Variants in USP10 observed in about 807,000 individuals in gnomAD.
The protein encoded by USP10 is ubiquitin carboxyl-terminal hydrolase 10.
In USP10, 22 loss-of-function variants were observed where a neutral mutation model predicts 84.5. The ratio of observed to expected loss-of-function variants is 0.26; its 90% CI spans 0.19 to 0.37. USP10 has a LOEUF of 0.37. Ranked by LOEUF, USP10 falls within the 10% of genes least tolerant of loss-of-function variation. The pLI, the probability that USP10 is intolerant of heterozygous loss-of-function variation, is 1.00. For synonymous variants in USP10, 454 were observed against 387.6 expected (o/e 1.17, Z -2.01); for missense variants, 1,019 against 998.9 (o/e 1.02, Z -0.27).
chr16:84,702,447 T>C (rs1905011582), intron 1 of USP10, among the ~76,000 whole-genome samples: 1 of 152,206 alleles, frequency 6.6e-6, no homozygotes, highest in South Asian at 2.1e-4. Context: ...TGGTTCCTGC[T>C]CCAGTCATTC....
chr16:84,779,008 C>A lies in USP10; in HGVS notation c.2323C>A (p.Gln775Lys). 1 of 1,614,040 alleles carries A rather than the reference C, an allele frequency of 6.2e-7. No individual in the cohort carries two copies. Among genetic ancestry groups the A allele is most frequent in the Non-Finnish European group, 8.5e-7 (1 of 1,179,908 alleles). Residue 775 changes from glutamine to lysine, a missense_variant, in exon 14 of 14, where the codon CAG (glutamine) becomes AAG (lysine). Gln to Lys is a moderately conservative substitution (Grantham distance 53). Coordinates refer to ENST00000219473, the MANE Select transcript of USP10 (RefSeq NM_005153.3). ...TGACCAGACAGTCAAGGTGATCAAC[C>A]AGTACCAGGTGGTGAAACCAACTGC... Reference protein sequence around the residue: ...IDDQTVKVINQYQVVKPTAER... With the variant: ...IDDQTVKVINKYQVVKPTAER...
Position 84,745,114 on chromosome 16 carries a change from C to A in USP10, c.633C>A (p.Ser211Arg). The change falls in exon 4 of 14, where the codon AGC becomes AGA. Residue 211 changes from serine to arginine, a missense_variant. By Grantham distance (110) the Ser-to-Arg change is moderately radical. Around this residue, in one of 2 missense-constraint regions of USP10, gnomAD observed 787 missense variants for 708.8 expected, o/e 1.11. Transcript: ENST00000219473. ...PPSVTPRTCN[S>R]PQNSTDSVSD... is the part of the protein sequence containing the mutation. ...CAGTTACGCCCAGGACTTGTAACAGCCCCCAGAACTCCACAGACTCTGTCA... is the reference window on the plus strand; with the variant it reads ...CAGTTACGCCCAGGACTTGTAACAGACCCCAGAACTCCACAGACTCTGTCA... The A allele has an allele frequency of 6.2e-7, 1 of 1,613,466 alleles. No individual in the cohort carries two copies. The highest frequency in any genetic ancestry group is 8.5e-7 in the Non-Finnish European group (1 of 1,179,580).
chr16:84,775,267 G>A (rs1181891047), intron 13 of USP10, 42 bp downstream of exon 13: 1 of 1,588,176 alleles, frequency 6.3e-7, no homozygotes, highest in East Asian at 2.2e-5. Context: ...TTAAAACACT[G>A]ATGAAGGGGT....
chr16:84,759,421 T>A lies in USP10; in HGVS notation c.1343T>A (p.Leu448Gln). The A allele has an allele frequency of 6.2e-7, 1 of 1,614,056 alleles. No individual in the cohort carries two copies. The highest frequency in any genetic ancestry group is 8.5e-7 in the Non-Finnish European group (1 of 1,179,898). ...TACCACCTGATGAAGTTCATTCCTC[T>A]GTATTCCAAAGTGCAAAGGCCTTGT... ...PMYHLMKFIP[L>Q]YSKVQRPCTS... The change falls in exon 6 of 14, where the codon CTG becomes CAG. Residue 448 changes from leucine (L) to glutamine (Q), a missense_variant. Physicochemically the swap from Leu to Gln is moderately radical, Grantham distance 113. Coordinates refer to ENST00000219473, the MANE Select transcript of USP10 (RefSeq NM_005153.3).
intron 12 of USP10, among the ~76,000 whole-genome samples, chr16:84,773,413 C>G (rs1475582524): frequency 2.0e-5 from 3 of 152,200 alleles, no homozygotes; most frequent in African/African-American, 7.2e-5. Context: ...GAGTCCTCTT[C>G]TCTCCGTCCC....
At chr16:84,747,574 T>TTC (rs1297539087) in intron 4 of USP10, among the ~76,000 whole-genome samples, 1 of 142,462 alleles carries the variant, frequency 7.0e-6, no homozygotes, top group South Asian at 2.4e-4. Context: ...TTTTTTTTTT[T>TTC]TTTTTTGAGA....
chr16:84,702,993 C>CAAAAAAAAAAAAAAAAAAAAA (rs1157728872), intron 1 of USP10, among the ~76,000 whole-genome samples: 4 of 52,164 alleles, frequency 7.7e-5, no homozygotes, highest in African/African-American at 3.4e-4. Context: ...ACTCCCGTCT[C>CAAAAAAAAAAAAAAAAAAAAA]AAAAAAAAAA....
At chr16:84,771,880 C>CG (rs1567652032) in intron 11 of USP10, among the ~76,000 whole-genome samples, 2 of 151,954 alleles carry the variant, frequency 1.3e-5, no homozygotes, top group Admixed American at 6.6e-5. Flanking sequence ...CCAAAAAAGG[C>CG]GGGGGAGTCA....
intron 4 of USP10, among the ~76,000 whole-genome samples, chr16:84,750,528 A>G (rs939299774): frequency 6.6e-6 from 1 of 152,122 alleles, no homozygotes; most frequent in African/African-American, 2.4e-5. Context: ...TGCTTCCCTC[A>G]TTAGCACAGA....
At chr16:84,736,134 G>A (rs1411032903) in intron 2 of USP10, among the ~76,000 whole-genome samples, 1 of 152,156 alleles carries the variant, frequency 6.6e-6, no homozygotes, top group African/African-American at 2.4e-5. Flanking sequence ...GCACAGTTTG[G>A]CCTTTTATCT....
intron 11 of USP10, among the ~76,000 whole-genome samples, chr16:84,771,728 TGTG>T (rs1567651896): frequency 2.0e-5 from 3 of 151,674 alleles, no homozygotes; most frequent in African/African-American, 7.3e-5. Flanking sequence ...ATTAGCCAGA[TGTG>T]GTGGTGGGAG....
intron 1 of USP10, among the ~76,000 whole-genome samples, chr16:84,701,844 T>A (rs1295727081): frequency 6.6e-6 from 1 of 152,100 alleles, no homozygotes; most frequent in African/African-American, 2.4e-5. Flanking sequence ...ACACTTTGGG[T>A]TTATTCTTTT....
intron 1 of USP10, among the ~76,000 whole-genome samples, chr16:84,718,351 T>C (rs1907328765): frequency 6.6e-6 from 1 of 152,190 alleles, no homozygotes; most frequent in Non-Finnish European, 1.5e-5. Context: ...AGTTATTGGC[T>C]CAAGGGATCC....
Position 84,768,172 on chromosome 16 carries a change from GT to G in USP10, c.1833-16del. 6.4e-7 allele frequency: 1 copy of G among 1,553,014 alleles called. No homozygotes were observed. The highest frequency in any genetic ancestry group is 8.7e-7 in the Non-Finnish European group (1 of 1,148,374). On this transcript the variant is annotated intron_variant, in intron 10 of 13. Transcript: ENST00000219473. The stretch of plus-strand genomic sequence containing the variant: ...CAAGGAGTGGTCTCTTAATTTTTTT[GT>G]TTTTGCTTTCAATTCTTAGGTCTGT...
chr16:84,751,682 T>G (rs1474495055), intron 4 of USP10, among the ~76,000 whole-genome samples: 1 of 152,116 alleles, frequency 6.6e-6, no homozygotes, highest in African/African-American at 2.4e-5. Context: ...TCTTCCAAAT[T>G]GATGGTAATG....
intron 3 of USP10, among the ~76,000 whole-genome samples, chr16:84,743,800 G>A (rs1910897522): frequency 6.6e-6 from 1 of 152,194 alleles, no homozygotes. Context: ...GTGGTTAACT[G>A]GGAAGGAAGT....
In USP10 at chr16:84,769,087, A is replaced by G. The variant is rs548738365; in HGVS notation, c.1998+729A>G. On this transcript the variant is annotated intron_variant, in intron 11 of 13. Coordinates refer to ENST00000219473, the MANE Select transcript of USP10 (RefSeq NM_005153.3). The stretch of plus-strand genomic sequence containing the variant: ...TCTTAGGTTGTGGCAGTGAATTCAT[A>G]AAAATGCACTGGGGAGATGAATGCA... Among the ~76,000 whole-genome samples, 5 of 152,328 alleles carry G rather than the reference A, an allele frequency of 3.3e-5. No individual in the cohort carries two copies. The South Asian group carries it at 1.0e-3, about 32-fold the overall frequency.
At chr16:84,752,106 C>A (rs1912000166) in intron 4 of USP10, among the ~76,000 whole-genome samples, 1 of 152,102 alleles carries the variant, frequency 6.6e-6, no homozygotes, top group Non-Finnish European at 1.5e-5. Context: ...TTCAGTTCAG[C>A]CTTTTCATGT....
chr16:84,750,995 T>C (rs1911861582), intron 4 of USP10, among the ~76,000 whole-genome samples: 1 of 152,266 alleles, frequency 6.6e-6, no homozygotes, highest in Non-Finnish European at 1.5e-5. Flanking sequence ...AATTACCCTG[T>C]CCGTGTTTAT....
Sources: gnomAD v4.1 joint callset for allele counts (sites outside exome capture counted in the v4.1 genomes callset) on GRCh38, gnomAD v4.1.1 for gene constraint, gnomAD v4.1.1 regional missense constraint, MANE v1.5 for transcripts, NCBI Gene and HGNC (gene_info 2026-07-23, HGNC 2026-07-21) for gene names.